The following TRAK1 variants were observed in gnomAD, a reference collection of about 807,000 sequenced individuals.
TRAK1 encodes trafficking kinesin protein 1.
TRAK1 carries 33 observed loss-of-function variants against 92.1 expected under a neutral mutation model. The ratio of observed to expected loss-of-function variants is 0.36; its 90% CI spans 0.27 to 0.48. The LOEUF (loss-of-function observed/expected upper bound fraction) is 0.48, where lower values mean the gene tolerates loss of function less well. TRAK1 is among the 20% of genes least tolerant of loss of function. TRAK1 has a pLI of 0.99. For missense variants in TRAK1, 1,123 were observed against 1,257.9 expected (o/e 0.89, Z 1.62); for synonymous variants, 521 against 517.3 (o/e 1.01, Z -0.10).
At chr3:42,111,521 G>A (rs914048538) in intron 1 of TRAK1, among the ~76,000 whole-genome samples, 1 of 151,474 alleles carries the variant, frequency 6.6e-6, no homozygotes, top group African/African-American at 2.4e-5. Context: ...TCAGCCTCCC[G>A]AGTAGCTGGG....
At chr3:42,099,816 C>T (rs772374245) in intron 1 of TRAK1, among the ~76,000 whole-genome samples, 3 of 152,210 alleles carry the variant, frequency 2.0e-5, no homozygotes, top group Non-Finnish European at 4.4e-5. Flanking sequence ...TGTTGTTTCT[C>T]CCTATTTATG....
rs543945379 is a variant in TRAK1 at position 42,061,550 on chromosome 3, T to C, written c.-518-25554T>C. On this transcript the variant is annotated intron_variant, in intron 1 of 16. Coordinates refer to the TRAK1 transcript ENST00000487159. The stretch of plus-strand genomic sequence containing the variant: ...ATCAGCTGCTACAGAGCTCTGAATA[T>C]CATGTGAACCCAGTGCCACTTGAAC... Among the ~76,000 whole-genome samples the C allele has an allele frequency of 2.6e-5, 4 of 152,060 alleles. No individual in the cohort carries two copies. In the South Asian group the frequency reaches 8.3e-4, roughly 32 times the overall value.
At position 42,140,212 on chromosome 3, in the gene TRAK1, G is replaced by T. The variant is rs79739934; in HGVS notation, c.286+14598G>T. Among the ~76,000 whole-genome samples, 920 of 152,298 alleles carry T rather than the reference G, an allele frequency of 6.0e-3. 36 individuals carry two copies. In the East Asian group the frequency reaches 0.11, roughly 18 times the overall value. On this transcript the variant is annotated intron_variant, in intron 2 of 15. Transcript: ENST00000327628. ...TTCCCCCACCTTCCCCTGGAGGTGG[G>T]TTGGTGCCTGTGCCTGAAATGAGGA...
chr3:42,129,352 G>A (rs1190021194), intron 2 of TRAK1, among the ~76,000 whole-genome samples: 1 of 152,140 alleles, frequency 6.6e-6, no homozygotes, highest in Non-Finnish European at 1.5e-5. Context: ...TCCCCTACGT[G>A]AGAAATCCTA....
intron 3 of TRAK1, among the ~76,000 whole-genome samples, chr3:42,184,350 G>A (rs1704483776): frequency 6.6e-6 from 1 of 152,266 alleles, no homozygotes; most frequent in Non-Finnish European, 1.5e-5. Context: ...CTCAGGTGGA[G>A]AGACAGGTTA....
Position 42,223,197 on chromosome 3 carries a change from G to C in TRAK1, c.2322G>C (p.Lys774Asn), listed in dbSNP as rs1365763272. ...RGSLLHSYTP[K>N]MAVIPSTPPN... ...CCCTCCTGCACTCCTACACGCCCAA[G>C]ATGGCTGTGATCCCCTCTACTCCGC... Residue 774 changes from lysine to asparagine, a missense_variant, in exon 16 of 16, where the codon AAG becomes AAC. Physicochemically the swap from Lys to Asn is moderately conservative, Grantham distance 94 (BLOSUM62 0). This residue lies in a region of TRAK1 where 401 missense variants were observed against 438.9 expected (regional missense o/e 0.91). Transcript: ENST00000327628. This position sits in a 1 kb window ranked among gnomAD's most constrained non-coding sequence, Gnocchi z 6.1. The C allele has an allele frequency of 1.2e-6, 2 of 1,614,136 alleles. No homozygotes were observed. Among genetic ancestry groups the C allele is most frequent in the African/African-American group, 2.7e-5 (2 of 75,040 alleles).
intron 1 of TRAK1, among the ~76,000 whole-genome samples, chr3:42,115,069 T>G (rs2149093530): frequency 6.6e-6 from 1 of 152,360 alleles, no homozygotes. Context: ...GTATTTTATC[T>G]TTTTATTTCC....
chr3:42,159,258 G>A (rs1049933624), intron 2 of TRAK1, among the ~76,000 whole-genome samples: 3 of 152,126 alleles, frequency 2.0e-5, no homozygotes, highest in African/African-American at 7.2e-5. Flanking sequence ...GGCTACCTGG[G>A]GGAGGCAGCC....
At chr3:42,203,029 G>C (rs1707864722) in intron 13 of TRAK1, 1 of 1,253,958 alleles carries the variant, frequency 8.0e-7, no homozygotes, top group Non-Finnish European at 1.0e-6. Context: ...TCTTTCCTTT[G>C]CCTTTAGAAC....
At chr3:42,183,231 C>A (rs1315541362) in intron 3 of TRAK1, among the ~76,000 whole-genome samples, 2 of 152,078 alleles carry the variant, frequency 1.3e-5, no homozygotes, top group Non-Finnish European at 2.9e-5. Flanking sequence ...TTTCTTAACC[C>A]ACTAATGAGT....
intron 1 of TRAK1, among the ~76,000 whole-genome samples, chr3:42,027,491 C>G (rs1174506851): frequency 6.6e-6 from 1 of 151,340 alleles, no homozygotes. Context: ...CCACTGCCCT[C>G]TAGCCTGGGA....
chr3:42,175,993 T>C (rs1432033090), intron 2 of TRAK1, among the ~76,000 whole-genome samples: 2 of 152,242 alleles, frequency 1.3e-5, no homozygotes, highest in Non-Finnish European at 2.9e-5. Context: ...TTGGTGTTTG[T>C]TGAGCGGCGA....
chr3:42,218,519 TA>T, intron 14 of TRAK1: 1 of 983,798 alleles, frequency 1.0e-6, no homozygotes, highest in Non-Finnish European at 1.2e-6. Flanking sequence ...CTTTTTTTTT[TA>T]TTTTATTATT....
Position 42,223,460 on chromosome 3 carries a change from A to G in TRAK1, c.2585A>G (p.His862Arg), listed in dbSNP as rs1051540452. ...VAKVVNSGRA[H>R]VPTLTEEQGP... ...AAAGTGGTGAACTCAGGGCGAGCCCATGTCCCCACCTTGACTGAGGAGCAG... is the reference window on the plus strand; with the variant it reads ...AAAGTGGTGAACTCAGGGCGAGCCCGTGTCCCCACCTTGACTGAGGAGCAG... Residue 862 changes from histidine to arginine, a missense_variant, in exon 16 of 16, where the codon CAT (histidine) becomes CGT (arginine). His to Arg is a conservative substitution (Grantham distance 29). This residue lies in a region of TRAK1 where 401 missense variants were observed against 438.9 expected (regional missense o/e 0.91). Coordinates refer to ENST00000327628, the MANE Select transcript of TRAK1 (RefSeq NM_001042646.3). This position sits in a 1 kb window ranked among gnomAD's most constrained non-coding sequence, Gnocchi z 6.1. The G allele has an allele frequency of 1.9e-6, 3 of 1,613,820 alleles. No individual in the cohort carries two copies. Among genetic ancestry groups the G allele is most frequent in the Non-Finnish European group, 2.5e-6 (3 of 1,179,982 alleles).
intron 5 of TRAK1, 108 bp downstream of exon 5, chr3:42,188,253 G>A: frequency 2.1e-6 from 2 of 966,318 alleles, no homozygotes; most frequent in Non-Finnish European, 3.3e-6. Flanking sequence ...ATGGAGGTCA[G>A]CTGCTCTCAG....
intron 4 of TRAK1, among the ~76,000 whole-genome samples, chr3:42,185,568 C>CA (rs1367692728): frequency 2.2e-4 from 34 of 152,190 alleles, no homozygotes; most frequent in Non-Finnish European, 1.0e-4. Flanking sequence ...AGCTTAGAGC[C>CA]AGGCCCTACG....
upstream of TRAK1, among the ~76,000 whole-genome samples, chr3:42,090,812 A>G (rs191646632): frequency 1.6e-3 from 250 of 152,380 alleles, no homozygotes; most frequent in Middle Eastern, 0.01. Flanking sequence ...AAGCTGAGAA[A>G]CAGCTCGGTG....
rs1576936114 is a variant in TRAK1, at chr3:42,195,093, T to TG, written c.1113+153dup. ...AGTCTGAATCAAGGACACTTGAATC[T>TG]GACTGGTGGTTTCTTAACTACATAA... On this transcript the variant is annotated intron_variant, in intron 10 of 15. Coordinates refer to ENST00000327628, the MANE Select transcript of TRAK1 (RefSeq NM_001042646.3). The TG allele has an allele frequency of 3.1e-6, 3 of 969,374 alleles. No individual in the cohort carries two copies. In the East Asian group the frequency reaches 8.0e-5, roughly 26 times the overall value. The allele number at this position is 969,374 out of a possible 1,614,324, so 60.0% of individuals were successfully genotyped here. A position where few individuals can be genotyped will look rare whatever the true frequency, so the allele number is the denominator to read the frequency against.
chr3:42,103,835 C>T (rs1341264131), intron 1 of TRAK1, among the ~76,000 whole-genome samples: 1 of 152,160 alleles, frequency 6.6e-6, no homozygotes, highest in Admixed American at 6.5e-5. Context: ...TGCGGCTTGT[C>T]AGACAGTGGG....
Sources: allele counts gnomAD v4.1 joint callset (sites outside exome capture counted in the v4.1 genomes callset), GRCh38; gene constraint gnomAD v4.1.1; regional missense constraint gnomAD v4.1.1; non-coding constraint Gnocchi (gnomAD v3.1); transcripts MANE v1.5; gene names NCBI Gene and HGNC (gene_info 2026-07-23, HGNC 2026-07-21).